PEX5: variants seen among roughly 807,000 people sequenced by gnomAD.
The protein encoded by PEX5 is PTS1 receptor.
PEX5 carries 52 observed loss-of-function variants against 82.9 expected under a neutral mutation model. That is an observed-to-expected ratio of 0.63 (90% CI 0.50 to 0.79). The LOEUF (loss-of-function observed/expected upper bound fraction) is 0.79, where lower values mean the gene tolerates loss of function less well. PEX5 is among the 30% of genes least tolerant of loss of function. The probability of loss-of-function intolerance (pLI) is 0.00; values close to 1 mark genes in which losing one functional copy is unlikely to be tolerated. For missense variants in PEX5, 719 were observed against 815.2 expected, an observed-to-expected ratio of 0.88 and a Z score of 1.44; for synonymous variants, 300 against 318.8, an observed-to-expected ratio of 0.94 and a Z score of 0.63.
chr12:7,216,385 C>G (rs892761093), downstream of PEX5, among the ~76,000 whole-genome samples: 12 of 152,216 alleles, frequency 7.9e-5, no homozygotes, highest in Middle Eastern at 3.4e-3. Flanking sequence ...TTCATTTAAT[C>G]TAGTATTTTA....
At chr12:7,192,786 C>G (rs1941394104) in intron 5 of PEX5, among the ~76,000 whole-genome samples, 1 of 152,168 alleles carries the variant, frequency 6.6e-6, no homozygotes, top group Non-Finnish European at 1.5e-5. Flanking sequence ...TTCAAGGTCT[C>G]AAGTCTAATT....
chr12:7,209,950 C>A, intron 15 of PEX5, 72 bp from the exon 16 acceptor site: 1 of 1,592,730 alleles, frequency 6.3e-7, no homozygotes, highest in Non-Finnish European at 8.6e-7. Context: ...TTTCTCCCTC[C>A]CACTGCTAGC....
downstream of PEX5, among the ~76,000 whole-genome samples, chr12:7,215,051 GTCAC>G (rs1945740033): frequency 6.6e-6 from 1 of 152,064 alleles, no homozygotes; most frequent in African/African-American, 2.4e-5. Flanking sequence ...AAAATTTGCA[GTCAC>G]TAAGGCTAAG....
At chr12:7,216,390 A>G (rs1945780586), downstream of PEX5, among the ~76,000 whole-genome samples, 2 of 152,198 alleles carry the variant, frequency 1.3e-5, no homozygotes, top group Non-Finnish European at 2.9e-5. Flanking sequence ...TTAATCTAGT[A>G]TTTTAGAAAG....
chr12:7,199,749 C>T (rs1397267050), intron 6 of PEX5, among the ~76,000 whole-genome samples: 1 of 151,500 alleles, frequency 6.6e-6, no homozygotes, highest in East Asian at 2.0e-4. Flanking sequence ...GGTGGCCAGG[C>T]AGAGGGGCTC....
At position 7,202,618 on chromosome 12, in the gene PEX5, T is replaced by A; in HGVS notation, c.760T>A (p.Ser254Thr). Reference protein sequence around the residue: ...AAEFIQQQGTSDAWVDQFTRP... With the variant: ...AAEFIQQQGTTDAWVDQFTRP... ...CCATCCTTTTTTGTCGCAGGGTACATCAGATGCCTGGGTTGACCAGTTCAC... is the reference window on the plus strand; with the variant it reads ...CCATCCTTTTTTGTCGCAGGGTACAACAGATGCCTGGGTTGACCAGTTCAC... The change falls in exon 9 of 16, where the codon TCA becomes ACA. Residue 254 changes from serine (S) to threonine (T), a missense_variant. By Grantham distance (58) the Ser-to-Thr change is moderately conservative. Transcript: ENST00000675855. 6.2e-7 allele frequency: 1 copy of A among 1,613,950 alleles called. No individual in the cohort carries two copies. Among genetic ancestry groups the A allele is most frequent in the Non-Finnish European group, 8.5e-7 (1 of 1,179,854 alleles).
rs781775833 is a variant in PEX5, at chr12:7,207,682, C to T, written c.990C>T (p.Asn330=). Residue 330 remains asparagine (N), a synonymous_variant, in exon 11 of 16, where the codon AAC becomes AAT. Transcript: ENST00000675855. ...AGGGGTACCAGTTTGAGGAGGAGAA[C>T]CCCTTGCGTGATCACCCTCAGCCTT... The part of the protein sequence containing the change: ...YDKGYQFEEE[N]PLRDHPQPFE... 11 of 1,613,986 alleles carry T rather than the reference C, an allele frequency of 6.8e-6. No individual in the cohort carries two copies. Among genetic ancestry groups the T allele is most frequent in the Non-Finnish European group, 8.5e-6 (10 of 1,180,024 alleles).
chr12:7,209,904 T>A, intron 15 of PEX5, 64 bp downstream of exon 15: 1 of 1,605,228 alleles, frequency 6.2e-7, no homozygotes, highest in South Asian at 1.1e-5. Context: ...CCCTAGCTCC[T>A]TATTCTTAGA....
rs1942569773 is a variant in PEX5 at position 7,197,087 on chromosome 12, C to CATATAATGTAATTATATATGTCAT, written c.449-1920_449-1897dup. 9.5e-5 allele frequency among the ~76,000 whole-genome samples: 2 copies of CATATAATGTAATTATATATGTCAT among 20,982 alleles called. 1 individual carries two copies. The highest frequency in any genetic ancestry group is 2.7e-4 in the Non-Finnish European group (2 of 7,394). 13.8% of individuals were successfully genotyped at this position (20,982 alleles called of 152,430 possible). On this transcript the variant is annotated intron_variant, in intron 5 of 15. Coordinates refer to ENST00000675855, the MANE Select transcript of PEX5 (RefSeq NM_001351132.2). ...ACATATAATGTAATTATATATGTCA[C>CATATAATGTAATTATATATGTCAT]ATATAATGTAATTATATATGTCATA...
Position 7,207,815 on chromosome 12 carries a change from A to G in PEX5, c.1110+13A>G, listed in dbSNP as rs765799863. 4 of 1,613,896 alleles carry G rather than the reference A, an allele frequency of 2.5e-6. No individual in the cohort carries two copies. Among genetic ancestry groups the G allele is most frequent in the East Asian group, 2.2e-5 (1 of 44,874 alleles). On this transcript the variant is annotated intron_variant, in intron 11 of 15. Coordinates refer to ENST00000675855, the MANE Select transcript of PEX5 (RefSeq NM_001351132.2). ...TAAGCACATGGAAGTGAGTGACTCC[A>G]TAGTCTCATTTCTGGCTAGAGACTG...
chr12:7,201,223 A>G (rs1449431163), intron 6 of PEX5, among the ~76,000 whole-genome samples: 3 of 152,182 alleles, frequency 2.0e-5, no homozygotes, highest in East Asian at 1.9e-4. Flanking sequence ...ACATGTATAT[A>G]CACACGTATA....
chr12:7,189,722 C>A lies in PEX5; in HGVS notation c.-45C>A, dbSNP rs1392938013. 5 of 387,610 alleles carry A rather than the reference C, an allele frequency of 1.3e-5. No homozygotes were observed. Among genetic ancestry groups the A allele is most frequent in the Admixed American group, 4.6e-5 (1 of 21,738 alleles). The allele number at this position is 387,610 out of a possible 1,614,324, so 24.0% of individuals were successfully genotyped here. A position where few individuals can be genotyped will look rare whatever the true frequency, so the allele number is the denominator to read the frequency against. On this transcript the variant is annotated 5_prime_UTR_variant, in exon 1 of 16. Transcript: ENST00000675855. Reference sequence around the variant, plus strand: ...TCCCCCAAGCCAGCACCTGGTGCCCCGGCGGGTCGTGCGGCGCGGCGCTCC... The same window carrying A: ...TCCCCCAAGCCAGCACCTGGTGCCCAGGCGGGTCGTGCGGCGCGGCGCTCC...
intron 8 of PEX5, 26 bp downstream of exon 8, chr12:7,202,377 C>T (rs774791319): frequency 4.4e-5 from 71 of 1,613,348 alleles, no homozygotes; most frequent in Non-Finnish European, 5.8e-5. Flanking sequence ...TTTCCAGTCC[C>T]ACTTCAGAGC....
downstream of PEX5, among the ~76,000 whole-genome samples, chr12:7,215,252 CATGTT>C (rs1467011362): frequency 6.6e-6 from 1 of 152,088 alleles, no homozygotes; most frequent in Non-Finnish European, 1.5e-5. Context: ...AAAAAAGTAA[CATGTT>C]AGTGAGGTTG....
At chr12:7,201,135 G>GCGCA (rs1555178196) in intron 6 of PEX5, among the ~76,000 whole-genome samples, 4 of 121,672 alleles carry the variant, frequency 3.3e-5, no homozygotes, top group Non-Finnish European at 5.7e-5. Flanking sequence ...ATGTGTGCGT[G>GCGCA]CACACACACA....
At chr12:7,189,105 T>C (rs1940421774), upstream of PEX5, 1 of 151,940 alleles carries the variant, frequency 6.6e-6, no homozygotes, top group Admixed American at 6.6e-5. Context: ...TTTTCCCCAT[T>C]ATGCAGAGGT....
chr12:7,218,267 T>C (rs1391216211), intron 17 of PEX5: 1 of 152,202 alleles, frequency 6.6e-6, no homozygotes, highest in African/African-American at 2.4e-5. Context: ...TAGGAATTCA[T>C]TGCAATTGAG....
At chr12:7,193,234 CTTTTT>C (rs11339507) in intron 5 of PEX5, among the ~76,000 whole-genome samples, 4 of 121,108 alleles carry the variant, frequency 3.3e-5, no homozygotes, top group Admixed American at 8.7e-5. Flanking sequence ...TCTTGAGATT[CTTTTT>C]TTTTTTTTTT....
At chr12:7,193,289 A>T (rs1157469304) in intron 5 of PEX5, among the ~76,000 whole-genome samples, 1 of 142,420 alleles carries the variant, frequency 7.0e-6, no homozygotes, top group African/African-American at 2.7e-5. Flanking sequence ...GGTGGAGTGC[A>T]GCGGTGCAAT....
Sources: gnomAD v4.1 joint callset for allele counts (sites outside exome capture counted in the v4.1 genomes callset) on GRCh38, gnomAD v4.1.1 for gene constraint, MANE v1.5 for transcripts, NCBI Gene and HGNC (gene_info 2026-07-23, HGNC 2026-07-21) for gene names.